The following ATAD3A variants were observed in gnomAD, a reference collection of about 807,000 sequenced individuals.
ATAD3A encodes ATPase family AAA domain containing 3A, also known as ATPase family AAA domain-containing protein 3A.
A neutral mutation model predicts 73.8 loss-of-function variants in ATAD3A; 46 were observed. The ratio of observed to expected loss-of-function variants is 0.62; its 90% CI spans 0.49 to 0.80. The LOEUF (loss-of-function observed/expected upper bound fraction) is 0.80. Ranked by LOEUF, ATAD3A falls within the 30% of genes least tolerant of loss-of-function variation. ATAD3A has a pLI of 0.00. For synonymous variants in ATAD3A, 319 were observed against 350.0 expected, an observed-to-expected ratio of 0.91 and a Z score of 0.99; for missense variants, 705 against 838.0, an observed-to-expected ratio of 0.84 and a Z score of 1.96.
At chr1:1,532,278 G>A (rs1642057283) in intron 15 of ATAD3A, among the ~76,000 whole-genome samples, 1 of 152,140 alleles carries the variant, frequency 6.6e-6, no homozygotes, top group Admixed American at 6.5e-5. Context: ...GTCTGGCTTT[G>A]ATATGAGGGT....
At chr1:1,515,693 G>C (rs1250508896) in intron 1 of ATAD3A, among the ~76,000 whole-genome samples, 1 of 152,216 alleles carries the variant, frequency 6.6e-6, no homozygotes, top group East Asian at 1.9e-4. Flanking sequence ...TGAAAAAATA[G>C]AGGACACTTT....
chr1:1,527,960 T>A, intron 14 of ATAD3A, 98 bp downstream of exon 14: 2 of 549,844 alleles, frequency 3.6e-6, no homozygotes, highest in Non-Finnish European at 5.2e-6. Flanking sequence ...TAACATTCCT[T>A]TTTTTTTTTT....
rs1258633740 is a variant in ATAD3A, at chr1:1,520,685, C to G, written c.750+68C>G. On this transcript the variant is annotated intron_variant, in intron 7 of 15. Transcript: ENST00000378756. The surrounding 1 kb of genome is among the most constrained non-coding windows in gnomAD (Gnocchi z 4.0). ...CAGCATGTGGGGGCCTCCTGGAGCC[C>G]CAGGTCCTGTCCCTGCCGGCTCTGC... The G allele has an allele frequency of 3.7e-6, 6 of 1,611,898 alleles. No homozygotes were observed. Among genetic ancestry groups the G allele is most frequent in the East Asian group, 2.2e-5 (1 of 44,864 alleles).
In ATAD3A at chr1:1,517,089, G is replaced by A. The variant is rs550025982; in HGVS notation, c.283-222G>A. On this transcript the variant is annotated intron_variant, in intron 2 of 15. Transcript: ENST00000378756. ...AAAGGGGGTGTCCGGCCTCCCTCCC[G>A]GGGGGCCTTCGCGGGCTTCTGCTGG... The A allele has an allele frequency of 1.0e-4, 157 of 1,525,758 alleles. 2 individuals carry two copies. The African/African-American group carries it at 2.0e-3, about 19-fold the overall frequency. The allele number at this position is 1,525,758 out of a possible 1,614,324, so 94.5% of individuals were successfully genotyped here. A position where few individuals can be genotyped will look rare whatever the true frequency, so the allele number is the denominator to read the frequency against.
chr1:1,532,749 C>G (rs1322269272), intron 15 of ATAD3A, among the ~76,000 whole-genome samples: 8 of 152,152 alleles, frequency 5.3e-5, no homozygotes, highest in Non-Finnish European at 1.0e-4. Flanking sequence ...TGGGTGCGCT[C>G]AAGACCAAAA....
At chr1:1,525,818 G>A (rs909949848) in intron 12 of ATAD3A, among the ~76,000 whole-genome samples, 2 of 152,168 alleles carry the variant, frequency 1.3e-5, no homozygotes, top group African/African-American at 4.8e-5. Context: ...CAATCCTCCT[G>A]CCTCAGCCGC....
At chr1:1,528,633 C>T (rs923472757) in intron 14 of ATAD3A, among the ~76,000 whole-genome samples, 19 of 152,248 alleles carry the variant, frequency 1.2e-4, no homozygotes, top group Admixed American at 9.8e-4. Context: ...CACCACACAC[C>T]GGCTGCCTCG....
At chr1:1,521,446 C>G (rs368832184) in intron 7 of ATAD3A, among the ~76,000 whole-genome samples, 5 of 152,280 alleles carry the variant, frequency 3.3e-5, no homozygotes, top group South Asian at 4.1e-4. Context: ...TTGTGCCCAG[C>G]CTCCGGCCTG....
At chr1:1,514,870 T>G (rs567148384) in intron 1 of ATAD3A, among the ~76,000 whole-genome samples, 180 of 152,196 alleles carry the variant, frequency 1.2e-3, no homozygotes, top group African/African-American at 4.0e-3. Flanking sequence ...GTTAGCAGAT[T>G]TATATGTTTA....
In ATAD3A at chr1:1,534,420, G is replaced by T; in HGVS notation, c.*348G>T. The T allele has an allele frequency of 7.7e-7, 1 of 1,296,808 alleles. No homozygotes were observed. Among genetic ancestry groups the T allele is most frequent in the South Asian group, 2.2e-5 (1 of 44,586 alleles). 80.3% of individuals were successfully genotyped at this position (1,296,808 alleles called of 1,614,324 possible). The stretch of plus-strand genomic sequence containing the variant: ...TGGCTGAGCCCCCGGGGCAGCAGGA[G>T]CCAGGCAGGTGATGTCTTTGTTCTC... On this transcript the variant is annotated 3_prime_UTR_variant, in exon 16 of 16. Coordinates refer to ENST00000378756, the MANE Select transcript of ATAD3A (RefSeq NM_001170535.3).
rs139254288 is a variant in ATAD3A, at chr1:1,525,277, C to T, written c.1252C>T (p.Arg418Trp). The T allele has an allele frequency of 1.1e-4, 182 of 1,613,786 alleles. 1 individual carries two copies. In the Middle Eastern group the frequency reaches 1.3e-3, roughly 12 times the overall value. Residue 418 changes from arginine to tryptophan, a missense_variant, in exon 12 of 16, where the codon CGG becomes TGG. By Grantham distance (101) the Arg-to-Trp change is moderately radical. Coordinates refer to ENST00000378756, the MANE Select transcript of ATAD3A (RefSeq NM_001170535.3). Reference protein sequence around the residue: ...LFVDEADAFLRKRATEKISED... With the variant: ...LFVDEADAFLWKRATEKISED... ...TGTGGATGAAGCGGACGCCTTCCTT[C>T]GGAAGCGAGCCACCGTGAGTGTCAC...
intron 1 of ATAD3A, among the ~76,000 whole-genome samples, chr1:1,513,723 T>C (rs913257895): frequency 1.3e-5 from 2 of 151,980 alleles, no homozygotes; most frequent in Non-Finnish European, 2.9e-5. Flanking sequence ...CCCCCTGCCC[T>C]GCCCCTCTGC....
intron 4 of ATAD3A, among the ~76,000 whole-genome samples, chr1:1,518,316 AC>A (rs1018449746): frequency 1.5e-5 from 1 of 67,032 alleles, no homozygotes; most frequent in Non-Finnish European, 2.9e-5. Flanking sequence ...GCGCACACAT[AC>A]CCCCCACAGG....
intron 7 of ATAD3A, among the ~76,000 whole-genome samples, chr1:1,522,186 T>C (rs959545181): frequency 2.0e-5 from 3 of 152,108 alleles, no homozygotes; most frequent in African/African-American, 7.2e-5. Context: ...ATTACAGGCA[T>C]GTGCCACCAT....
At chr1:1,526,722 C>T (rs1376915494) in intron 13 of ATAD3A, among the ~76,000 whole-genome samples, 191 bp downstream of exon 13, 3 of 152,222 alleles carry the variant, frequency 2.0e-5, no homozygotes, top group African/African-American at 4.8e-5. Context: ...GAGGAACATG[C>T]GGGGGCCTCC....
At chr1:1,532,392 G>A (rs1161120555) in intron 15 of ATAD3A, among the ~76,000 whole-genome samples, 1 of 152,202 alleles carries the variant, frequency 6.6e-6, no homozygotes, top group Non-Finnish European at 1.5e-5. Context: ...CACATGTGAA[G>A]ACATCAGGTC....
intron 15 of ATAD3A, among the ~76,000 whole-genome samples, chr1:1,532,826 G>A (rs964871470): frequency 6.6e-5 from 10 of 150,416 alleles, no homozygotes; most frequent in South Asian, 4.2e-4. Flanking sequence ...TGTCTCCTGC[G>A]CTCCCAGGCC....
chr1:1,527,269 G>T (rs1641881004), intron 13 of ATAD3A: 5 of 1,258,886 alleles, frequency 4.0e-6, no homozygotes, highest in South Asian at 1.3e-5. Context: ...GCTCCCTGGA[G>T]CCCTGACTCG....
chr1:1,524,068 C>G (rs968795602), intron 10 of ATAD3A, 104 bp downstream of exon 10: 1 of 1,593,040 alleles, frequency 6.3e-7, no homozygotes, highest in African/African-American at 1.4e-5. Context: ...CCCCCTTAGG[C>G]CTTTGCCCAC....
Sources: allele counts gnomAD v4.1 joint callset (sites outside exome capture counted in the v4.1 genomes callset), GRCh38; gene constraint gnomAD v4.1.1; non-coding constraint Gnocchi (gnomAD v3.1); transcripts MANE v1.5; gene names NCBI Gene and HGNC (gene_info 2026-07-23, HGNC 2026-07-21).